The following HNRNPA3 variants were observed in gnomAD, a reference collection of about 807,000 sequenced individuals.
The protein encoded by HNRNPA3 is heterogeneous nuclear ribonucleoprotein A3.
HNRNPA3 carries 3 observed loss-of-function variants against 45.8 expected under a neutral mutation model. The ratio of observed to expected loss-of-function variants is 0.07; its 90% CI spans 0.03 to 0.17. The LOEUF is 0.17. Ranked by LOEUF, HNRNPA3 falls within the 10% of genes least tolerant of loss-of-function variation. The pLI, the probability that HNRNPA3 is intolerant of heterozygous loss-of-function variation, is 1.00. For synonymous variants in HNRNPA3, 170 were observed against 155.6 expected (o/e 1.09, Z -0.69); for missense variants, 183 against 480.3 (o/e 0.38, Z 5.79).
rs58476089 is a variant in HNRNPA3, at chr2:177,218,052, C to CTTTTTTTTTTTTTTTTTTTTT, written c.961+214_961+234dup. On this transcript the variant is annotated intron_variant, in intron 8 of 10. Coordinates refer to ENST00000392524, the Ensembl canonical transcript of HNRNPA3. ...ACAAATGTACTCAGCTCTCTTTTTT[C>CTTTTTTTTTTTTTTTTTTTTT]TTTTTTTTTTTTTTTTTTTTTTTTT... 1.7e-4 allele frequency among the ~76,000 whole-genome samples: 17 copies of CTTTTTTTTTTTTTTTTTTTTT among 102,186 alleles called. 1 individual carries two copies. Among genetic ancestry groups the CTTTTTTTTTTTTTTTTTTTTT allele is most frequent in the African/African-American group, 6.0e-4 (15 of 25,020 alleles). The allele number at this position is 102,186 out of a possible 152,430, so 67.0% of individuals were successfully genotyped here. A position where few individuals can be genotyped will look rare whatever the true frequency, so the allele number is the denominator to read the frequency against.
intron 4 of HNRNPA3, 136 bp from the exon 5 acceptor site, chr2:177,216,367 C>A: frequency 1.4e-6 from 1 of 735,016 alleles, no homozygotes; most frequent in Non-Finnish European, 2.2e-6. Flanking sequence ...ATAAACATCT[C>A]AGAATGCTCC....
At chr2:177,218,064 T>C (rs1016463358) in intron 8 of HNRNPA3, among the ~76,000 whole-genome samples, 10 of 18,174 alleles carry the variant, frequency 5.5e-4, no homozygotes, top group African/African-American at 7.0e-4. Context: ...TTTTTTTTTT[T>C]TTTTTTTTTT....
At position 177,212,878 on chromosome 2, in the gene HNRNPA3, G is replaced by C. The variant is rs775918491; in HGVS notation, c.72+7G>C. On this transcript the variant is annotated splice_region_variant and intron_variant, in intron 1 of 10. Coordinates refer to ENST00000392524, the Ensembl canonical transcript of HNRNPA3. ...TCGCCGCCGGGGGGAGGAGGTATTA[G>C]GGGGAGAGCGGGGGGTTGGTGGGGA... The C allele has an allele frequency of 3.4e-6, 5 of 1,457,454 alleles. No individual in the cohort carries two copies. The highest frequency in any genetic ancestry group is 4.3e-5 in the Admixed American group (2 of 46,236). The allele number at this position is 1,457,454 out of a possible 1,614,324, so 90.3% of individuals were successfully genotyped here.
downstream of HNRNPA3, chr2:177,223,723 C>G (rs1020396375): frequency 6.6e-6 from 1 of 152,148 alleles, no homozygotes. Flanking sequence ...TTCAAAATTA[C>G]TTTAAAACTT....
Position 177,216,952 on chromosome 2 carries a change from ATTTTCATTGATG to A in HNRNPA3, c.820+16_820+27del. On this transcript the variant is annotated intron_variant, in intron 7 of 10. Transcript: ENST00000392524. ...ATTTGGAGGTGATGGTAGGTGGCTT[ATTTTCATTGATG>A]TTTGATATTTTAACTTTCTTTACTT... 6.7e-7 allele frequency: 1 copy of A among 1,491,858 alleles called. No individual in the cohort carries two copies. The highest frequency in any genetic ancestry group is 1.3e-5 in the South Asian group (1 of 79,016). The allele number at this position is 1,491,858 out of a possible 1,614,324, so 92.4% of individuals were successfully genotyped here.
downstream of HNRNPA3, chr2:177,222,346 G>T (rs1689217015): frequency 6.6e-6 from 1 of 152,190 alleles, no homozygotes; most frequent in Non-Finnish European, 1.5e-5. Context: ...CAAGTCAGTT[G>T]TGACTCCTTG....
At chr2:177,217,735 G>C in exon 8 of HNRNPA3, 1 of 1,613,022 alleles carries the variant, frequency 6.2e-7, no homozygotes, top group East Asian at 2.2e-5. Flanking sequence ...CCTGGTTATA[G>C]TAGTAGAGGG....
At chr2:177,219,822 T>A (rs1444296418) in exon 11 of HNRNPA3, 1 of 152,748 alleles carries the variant, frequency 6.5e-6, no homozygotes, top group Non-Finnish European at 1.5e-5. Context: ...ACAGAAACTT[T>A]AACAAAATGC....
At chr2:177,214,365 T>A (rs1292644587) in intron 1 of HNRNPA3, among the ~76,000 whole-genome samples, 1 of 152,224 alleles carries the variant, frequency 6.6e-6, no homozygotes, top group African/African-American at 2.4e-5. Flanking sequence ...TGATCGGCTT[T>A]TTTTTTTCCT....
intron 10 of HNRNPA3, 24 bp downstream of exon 10, chr2:177,219,338 A>G (rs371409706): frequency 4.6e-6 from 7 of 1,527,980 alleles, no homozygotes; most frequent in Non-Finnish European, 6.3e-6. Flanking sequence ...AATTTTTATT[A>G]TGATGATAAA....
chr2:177,216,367 C>T, intron 4 of HNRNPA3, 136 bp from the exon 5 acceptor site: 1 of 735,014 alleles, frequency 1.4e-6, no homozygotes, highest in Non-Finnish European at 2.2e-6. Context: ...ATAAACATCT[C>T]AGAATGCTCC....
chr2:177,215,226 C>G (rs1031241659), intron 1 of HNRNPA3, among the ~76,000 whole-genome samples: 28 of 152,116 alleles, frequency 1.8e-4, no homozygotes, highest in Admixed American at 1.8e-3. Flanking sequence ...TCTCGAGTAG[C>G]TGGGATTACA....
intron 8 of HNRNPA3, 104 bp from the exon 9 acceptor site, chr2:177,218,933 A>G (rs1016088987): frequency 2.4e-5 from 33 of 1,397,208 alleles, no homozygotes; most frequent in Admixed American, 7.8e-5. Context: ...AGTGATGTGT[A>G]TAAGCATGCT....
chr2:177,222,158 A>G (rs1689206368), downstream of HNRNPA3: 1 of 152,542 alleles, frequency 6.6e-6, no homozygotes, highest in Non-Finnish European at 1.5e-5. Flanking sequence ...TGACAGTAAA[A>G]CCTGATGACA....
chr2:177,223,032 A>G (rs1156512863), downstream of HNRNPA3: 1 of 152,660 alleles, frequency 6.6e-6, no homozygotes, highest in Non-Finnish European at 1.5e-5. Context: ...TGCTGCCCCA[A>G]AAGGGCTTAA....
At chr2:177,222,310 T>G (rs1252153387), downstream of HNRNPA3, 3 of 152,264 alleles carry the variant, frequency 2.0e-5, no homozygotes, top group Non-Finnish European at 4.4e-5. Flanking sequence ...AAAATTCCCC[T>G]GCGAAATAGC....
At chr2:177,216,824 A>C (rs1450119150) in intron 6 of HNRNPA3, 36 bp from the exon 7 acceptor site, 3 of 1,613,144 alleles carry the variant, frequency 1.9e-6, no homozygotes. Context: ...GGTAAGTTGA[A>C]TATATTATTT....
intron 8 of HNRNPA3, among the ~76,000 whole-genome samples, chr2:177,218,729 T>C (rs1391837578): frequency 6.6e-6 from 1 of 152,230 alleles, no homozygotes; most frequent in Non-Finnish European, 1.5e-5. Context: ...TGAGTGGAAG[T>C]TTTAACAAGT....
chr2:177,215,698 G>A, intron 2 of HNRNPA3, 37 bp downstream of exon 2: 1 of 1,612,932 alleles, frequency 6.2e-7, no homozygotes, highest in Non-Finnish European at 8.5e-7. Flanking sequence ...TCTAAGGGGT[G>A]TAGAGAACCG....
Sources: allele counts gnomAD v4.1 joint callset (sites outside exome capture counted in the v4.1 genomes callset), GRCh38; gene constraint gnomAD v4.1.1; transcripts MANE v1.5; gene names NCBI Gene and HGNC (gene_info 2026-07-23, HGNC 2026-07-21).